Variants in ARHGAP8 observed in about 807,000 individuals in gnomAD.
ARHGAP8 encodes the protein Rho GTPase activating protein 8.
A neutral mutation model predicts 46.1 loss-of-function variants in ARHGAP8; 62 were observed. That is an observed-to-expected ratio of 1.34 (90% CI 1.10 to 1.66). ARHGAP8 has a LOEUF of 1.66. Ranked by LOEUF, ARHGAP8 falls within the 40% of genes most tolerant of loss-of-function variation. The pLI, the probability that ARHGAP8 is intolerant of heterozygous loss-of-function variation, is 0.00. For missense variants in ARHGAP8, 923 were observed against 568.4 expected, an observed-to-expected ratio of 1.62 and a Z score of -6.34; for synonymous variants, 375 against 243.1, an observed-to-expected ratio of 1.54 and a Z score of -5.05.
chr22:44,773,183 C>T (rs951879654), intron 1 of ARHGAP8, among the ~76,000 whole-genome samples: 2 of 152,094 alleles, frequency 1.3e-5, no homozygotes, highest in African/African-American at 4.8e-5. Flanking sequence ...TCAGTTTCTT[C>T]TTGAATGAGC....
intron 7 of ARHGAP8, among the ~76,000 whole-genome samples, chr22:44,828,607 A>G (rs1930705836): frequency 6.8e-6 from 1 of 147,026 alleles, no homozygotes; most frequent in Non-Finnish European, 1.5e-5. Flanking sequence ...GCGCCACCAC[A>G]CCTGGCTAAT....
At chr22:44,773,461 T>C (rs1290372135) in intron 1 of ARHGAP8, among the ~76,000 whole-genome samples, 3 of 152,232 alleles carry the variant, frequency 2.0e-5, no homozygotes, top group Admixed American at 6.5e-5. Context: ...CCTAAATAGC[T>C]TGGTTTTTAC....
At chr22:44,790,447 A>C (rs948842732) in intron 2 of ARHGAP8, among the ~76,000 whole-genome samples, 3 of 151,934 alleles carry the variant, frequency 2.0e-5, no homozygotes, top group Admixed American at 2.0e-4. Context: ...AGCCCAAGGA[A>C]GGCGGGTCAC....
intron 1 of ARHGAP8, among the ~76,000 whole-genome samples, chr22:44,770,480 A>G (rs1925919633): frequency 6.6e-6 from 1 of 150,702 alleles, no homozygotes; most frequent in Non-Finnish European, 1.5e-5. Flanking sequence ...ATCTCGGCTC[A>G]TTGCAACTTC....
At chr22:44,758,336 C>T (rs375969477) in intron 1 of ARHGAP8, among the ~76,000 whole-genome samples, 59 of 152,226 alleles carry the variant, frequency 3.9e-4, no homozygotes, top group African/African-American at 1.4e-3. Flanking sequence ...GCAGGAGAAT[C>T]GCTTGAATCC....
At chr22:44,802,933 T>C (rs1928657224) in intron 3 of ARHGAP8, among the ~76,000 whole-genome samples, 1 of 152,148 alleles carries the variant, frequency 6.6e-6, no homozygotes, top group Non-Finnish European at 1.5e-5. Flanking sequence ...ACTCTGAGGT[T>C]TTGGGTGGAA....
chr22:44,803,037 A>G lies in ARHGAP8; in HGVS notation c.167+873A>G, dbSNP rs535968636. ...GCCACCACTGGCTCAGCAGGCATCT[A>G]TTGAGCGCCTACTGTATGTGAGACT... On this transcript the variant is annotated intron_variant, in intron 3 of 11. Coordinates refer to ENST00000356099, the MANE Select transcript of ARHGAP8 (RefSeq NM_181335.3). 6.6e-3 allele frequency among the ~76,000 whole-genome samples: 1,000 copies of G among 152,248 alleles called. 10 individuals carry two copies. Among genetic ancestry groups the G allele is most frequent in the Non-Finnish European group, 0.011 (726 of 68,022 alleles).
intron 7 of ARHGAP8, among the ~76,000 whole-genome samples, chr22:44,825,929 G>A (rs1930488979): frequency 1.5e-5 from 2 of 130,306 alleles, no homozygotes; most frequent in Admixed American, 1.6e-4. Context: ...CTGGGTGCCT[G>A]GTCGGGGGGG....
Position 44,802,156 on chromosome 22 carries a change from G to C in ARHGAP8, c.159G>C (p.Arg53=). ...MPPSHELDHQ[R]LLEYLKYTLD... is the part of the protein sequence containing the mutation. The stretch of plus-strand genomic sequence containing the variant: ...CCTCCCACGAGCTGGACCACCAGCG[G>C]CTGCTGGAGTAAGTGTTCTGCCCCC... Residue 53 remains arginine (R), a synonymous_variant, in exon 3 of 12, where the codon CGG becomes CGC. Coordinates refer to ENST00000356099, the MANE Select transcript of ARHGAP8 (RefSeq NM_181335.3). The C allele has an allele frequency of 6.2e-7, 1 of 1,614,126 alleles. No individual in the cohort carries two copies. Among genetic ancestry groups the C allele is most frequent in the Middle Eastern group, 1.7e-4 (1 of 6,060 alleles).
chr22:44,771,967 T>C (rs1926043636), intron 1 of ARHGAP8, among the ~76,000 whole-genome samples: 1 of 152,190 alleles, frequency 6.6e-6, no homozygotes, highest in South Asian at 2.1e-4. Context: ...AGAAGGGCTA[T>C]CACTGTTCAT....
intron 10 of ARHGAP8, 84 bp from the exon 11 acceptor site, chr22:44,859,646 TA>T: frequency 2.1e-6 from 3 of 1,447,998 alleles, no homozygotes; most frequent in Admixed American, 3.7e-5. Flanking sequence ...CTGTCCTTCC[TA>T]CACCCCTGTT....
chr22:44,850,004 G>C (rs2070054960), intron 10 of ARHGAP8: 1 of 152,150 alleles, frequency 6.6e-6, no homozygotes, highest in Non-Finnish European at 1.5e-5. Context: ...AGGGGTGTAG[G>C]GGTGGCCATT....
intron 10 of ARHGAP8, among the ~76,000 whole-genome samples, chr22:44,859,358 C>CCA (rs1348356319): frequency 1.3e-5 from 2 of 152,050 alleles, no homozygotes; most frequent in Non-Finnish European, 2.9e-5. Context: ...CACCTCTGTC[C>CCA]CACTCTCTCT....
chr22:44,817,940 C>A (rs1015619604), intron 5 of ARHGAP8, among the ~76,000 whole-genome samples: 1 of 152,120 alleles, frequency 6.6e-6, no homozygotes. Flanking sequence ...CATGGCGGAA[C>A]CTCGCCTCTA....
intron 1 of ARHGAP8, among the ~76,000 whole-genome samples, chr22:44,755,876 T>G (rs1924632194): frequency 6.6e-6 from 1 of 151,912 alleles, no homozygotes; most frequent in Non-Finnish European, 1.5e-5. Context: ...TGACCTGGAG[T>G]CAGTTGCTGT....
In ARHGAP8 at chr22:44,801,303, G is replaced by A. The variant is rs547457403; in HGVS notation, c.80-774G>A. Among the ~76,000 whole-genome samples, 2 of 51,116 alleles carry A rather than the reference G, an allele frequency of 3.9e-5. 1 individual carries two copies. The highest frequency in any genetic ancestry group is 1.4e-3 in the East Asian group (2 of 1,432). 33.5% of individuals were successfully genotyped at this position (51,116 alleles called of 152,430 possible). ...CCTCTCCCCGCAGCTGTCTTTGTGTGGGGGCACCTCTCCCCGCAGCTGTCT... is the reference window on the plus strand; with the variant it reads ...CCTCTCCCCGCAGCTGTCTTTGTGTAGGGGCACCTCTCCCCGCAGCTGTCT... On this transcript the variant is annotated intron_variant, in intron 2 of 11. Coordinates refer to ENST00000356099, the MANE Select transcript of ARHGAP8 (RefSeq NM_181335.3).
chr22:44,848,160 C>T (rs901336912), intron 9 of ARHGAP8, 110 bp downstream of exon 9: 4 of 1,448,296 alleles, frequency 2.8e-6, no homozygotes, highest in Non-Finnish European at 3.7e-6. Flanking sequence ...CCACCCAACT[C>T]CCAGAAAACA....
At chr22:44,753,763 G>A (rs132437) in intron 1 of ARHGAP8, among the ~76,000 whole-genome samples, 138,102 of 152,114 alleles carry the variant, frequency 0.91, 62,821 homozygotes, top group African/African-American at 0.96. Flanking sequence ...GCGGGATGGG[G>A]ACAGCACCTT....
At chr22:44,801,574 C>T (rs757027988) in intron 2 of ARHGAP8, among the ~76,000 whole-genome samples, 52 of 152,308 alleles carry the variant, frequency 3.4e-4, no homozygotes, top group Non-Finnish European at 3.2e-4. Context: ...CATGGTGACC[C>T]GGGCCATAAT....
Sources: allele counts gnomAD v4.1 joint callset (sites outside exome capture counted in the v4.1 genomes callset), GRCh38; gene constraint gnomAD v4.1.1; transcripts MANE v1.5; gene names NCBI Gene and HGNC (gene_info 2026-07-23, HGNC 2026-07-21).